BFSP2: variants seen among roughly 807,000 people sequenced by gnomAD.
The protein encoded by BFSP2 is beaded filament structural protein 2.
In BFSP2, 38 loss-of-function variants were observed where a neutral mutation model predicts 44.9. That is an observed-to-expected ratio of 0.85 (90% CI 0.65 to 1.11). The LOEUF is 1.11. Among genes scored for constraint, BFSP2 ranks in the 50% least tolerant of loss-of-function variants. The pLI is 0.00. For missense variants in BFSP2, 525 were observed against 533.0 expected, an observed-to-expected ratio of 0.99 and a Z score of 0.15; for synonymous variants, 197 against 209.9, an observed-to-expected ratio of 0.94 and a Z score of 0.53.
At chr3:133,472,217 T>A in intron 5 of BFSP2, 128 bp from the exon 6 acceptor site, 1 of 1,056,258 alleles carries the variant, frequency 9.5e-7, no homozygotes, top group Non-Finnish European at 1.4e-6. Flanking sequence ...TCTCCATAAC[T>A]GGCAAGGTCC....
chr3:133,450,339 G>A lies in BFSP2; in HGVS notation c.766G>A (p.Glu256Lys). The change falls in exon 4 of 7, where the codon GAG becomes AAG. Residue 256 changes from glutamate to lysine, a missense_variant. Coordinates refer to ENST00000302334, the MANE Select transcript of BFSP2 (RefSeq NM_003571.4). Reference protein sequence around the residue: ...KLLHKQLAGCELEQMDAPIGT... With the variant: ...KLLHKQLAGCKLEQMDAPIGT... ...GCTGCACAAACAGTTGGCAGGGTGT[G>A]AGCTGGAACAAATGGATGCTCCCAT... 1 of 1,614,208 alleles carries A rather than the reference G, an allele frequency of 6.2e-7. No homozygotes were observed. The highest frequency in any genetic ancestry group is 8.5e-7 in the Non-Finnish European group (1 of 1,180,036).
At chr3:133,408,639 G>A (rs935933280) in intron 1 of BFSP2, among the ~76,000 whole-genome samples, 2 of 152,184 alleles carry the variant, frequency 1.3e-5, no homozygotes, top group East Asian at 1.9e-4. Flanking sequence ...GAGGGGACTC[G>A]TTGAATAAAC....
intron 6 of BFSP2, among the ~76,000 whole-genome samples, chr3:133,473,073 G>A (rs1035981309): frequency 1.3e-5 from 2 of 151,918 alleles, no homozygotes; most frequent in Non-Finnish European, 2.9e-5. Flanking sequence ...GGTTACAGGT[G>A]TGAGCCGTGA....
chr3:133,451,062 G>A (rs2073959756), intron 4 of BFSP2, among the ~76,000 whole-genome samples: 1 of 132,530 alleles, frequency 7.5e-6, no homozygotes, highest in South Asian at 2.3e-4. Flanking sequence ...AGTGAGCCAA[G>A]ATTGGGCCAC....
Position 133,400,586 on chromosome 3 carries a change from C to T in BFSP2, c.489+14C>T, listed in dbSNP as rs1433732708. 1 of 1,584,208 alleles carries T rather than the reference C, an allele frequency of 6.3e-7. No individual in the cohort carries two copies. The highest frequency in any genetic ancestry group is 1.1e-5 in the South Asian group (1 of 87,738). ...AGCTGCCAGCAGGTAAGTGTCCAGG[C>T]TGTGCCAAGGGCTTTGCAGAGGGCT... On this transcript the variant is annotated intron_variant, in intron 1 of 6. Coordinates refer to ENST00000302334, the MANE Select transcript of BFSP2 (RefSeq NM_003571.4). This position sits in a 1 kb window ranked among gnomAD's most constrained non-coding sequence, Gnocchi z 4.0.
chr3:133,415,078 C>T (rs1179182448), intron 1 of BFSP2, among the ~76,000 whole-genome samples: 30 of 142,496 alleles, frequency 2.1e-4, no homozygotes, highest in African/African-American at 7.2e-4. Context: ...CTCTACTTGC[C>T]CCAGTCCTCT....
chr3:133,450,568 T>C, intron 4 of BFSP2, 104 bp downstream of exon 4: 1 of 1,373,150 alleles, frequency 7.3e-7, no homozygotes, highest in Non-Finnish European at 1.0e-6. Context: ...AACGGTTTAG[T>C]AACAAGTTCA....
intron 5 of BFSP2, among the ~76,000 whole-genome samples, chr3:133,471,610 C>A (rs938022264): frequency 3.9e-5 from 6 of 152,094 alleles, no homozygotes; most frequent in African/African-American, 1.4e-4. Context: ...GAATTATCAA[C>A]GCAGGACGTG....
intron 1 of BFSP2, among the ~76,000 whole-genome samples, chr3:133,416,845 T>C (rs1476667631): frequency 1.1e-4 from 10 of 94,870 alleles, no homozygotes; most frequent in African/African-American, 2.5e-4. Flanking sequence ...TCAGCCCTGT[T>C]CTCTCCCCTT....
At chr3:133,435,004 G>A (rs754687209) in intron 1 of BFSP2, among the ~76,000 whole-genome samples, 6 of 152,140 alleles carry the variant, frequency 3.9e-5, no homozygotes, top group Admixed American at 6.5e-5. Context: ...GAGGGCCTTG[G>A]GAATTTAGCA....
At chr3:133,431,932 C>A (rs1223843224) in intron 1 of BFSP2, among the ~76,000 whole-genome samples, 1 of 152,098 alleles carries the variant, frequency 6.6e-6, no homozygotes, top group African/African-American at 2.4e-5. Context: ...TGGATTACAG[C>A]CGCATCTCAT....
intron 1 of BFSP2, among the ~76,000 whole-genome samples, chr3:133,421,192 T>C (rs2073589306): frequency 6.6e-6 from 1 of 152,174 alleles, no homozygotes; most frequent in Non-Finnish European, 1.5e-5. Context: ...AATCAACAAA[T>C]GGAAGTGCCC....
At chr3:133,406,729 G>A (rs533289322) in intron 1 of BFSP2, among the ~76,000 whole-genome samples, 9 of 152,134 alleles carry the variant, frequency 5.9e-5, no homozygotes, top group South Asian at 4.2e-4. Context: ...AAAGATGCCC[G>A]CTCTCTCTCG....
chr3:133,405,928 T>C (rs1270587667), intron 1 of BFSP2, among the ~76,000 whole-genome samples: 2 of 152,184 alleles, frequency 1.3e-5, no homozygotes, highest in Non-Finnish European at 2.9e-5. Context: ...GTTCATATAA[T>C]ACAGGTGGCC....
At chr3:133,446,558 T>C in intron 1 of BFSP2, among the ~76,000 whole-genome samples, 1 of 105,660 alleles carries the variant, frequency 9.5e-6, no homozygotes, top group African/African-American at 3.4e-5. Context: ...ATCAGAGCCT[T>C]CAGCTCACCA....
chr3:133,403,238 C>G (rs1320627190), intron 1 of BFSP2, among the ~76,000 whole-genome samples: 6 of 152,066 alleles, frequency 3.9e-5, no homozygotes, highest in Admixed American at 2.6e-4. Context: ...CTCCCTCTGC[C>G]CTCACTTAGG....
At chr3:133,457,420 A>G (rs71317408) in intron 4 of BFSP2, among the ~76,000 whole-genome samples, 1 of 152,256 alleles carries the variant, frequency 6.6e-6, no homozygotes, top group East Asian at 1.9e-4. Flanking sequence ...TTCAAAACAT[A>G]CAAAAGATAT....
At chr3:133,418,439 C>T (rs2073564697) in intron 1 of BFSP2, among the ~76,000 whole-genome samples, 1 of 152,078 alleles carries the variant, frequency 6.6e-6, no homozygotes, top group Non-Finnish European at 1.5e-5. Context: ...GGAGAAGCCC[C>T]GGGAGGTCAC....
In BFSP2 at chr3:133,425,697, A is replaced by G. The variant is rs148370157; in HGVS notation, c.490-21620A>G. On this transcript the variant is annotated intron_variant, in intron 1 of 6. Coordinates refer to ENST00000302334, the MANE Select transcript of BFSP2 (RefSeq NM_003571.4). ...GTCAGTTCCGTCTCTCTTTCCTGCT[A>G]TTCTCCTCACTCCCACTTCCCTGTG... 1.2e-3 allele frequency among the ~76,000 whole-genome samples: 185 copies of G among 150,882 alleles called. 2 individuals are homozygous for G. Among genetic ancestry groups the G allele is most frequent in the African/African-American group, 4.0e-3 (165 of 41,068 alleles).
Sources: allele counts gnomAD v4.1 joint callset (sites outside exome capture counted in the v4.1 genomes callset), GRCh38; gene constraint gnomAD v4.1.1; non-coding constraint Gnocchi (gnomAD v3.1); transcripts MANE v1.5; gene names NCBI Gene and HGNC (gene_info 2026-07-23, HGNC 2026-07-21).